The following ATP11B variants were observed in gnomAD, a reference collection of about 807,000 sequenced individuals.
ATP11B encodes phospholipid-transporting ATPase IF.
Under a neutral mutation model 157.8 loss-of-function variants are expected in ATP11B, and 81 were observed. The ratio of observed to expected loss-of-function variants is 0.51; its 90% CI spans 0.43 to 0.62. The LOEUF (loss-of-function observed/expected upper bound fraction) is 0.62, where lower values mean the gene tolerates loss of function less well. ATP11B is among the 20% of genes least tolerant of loss of function. The pLI is 0.00. For synonymous variants in ATP11B, 451 were observed against 469.4 expected (o/e 0.96, Z 0.51); for missense variants, 1,165 against 1,402.2 (o/e 0.83, Z 2.70).
At position 182,818,229 on chromosome 3, in the gene ATP11B, G is replaced by A. The variant is rs1279075304; in HGVS notation, c.28-2031G>A. Among the ~76,000 whole-genome samples, 4 of 152,200 alleles carry A rather than the reference G, an allele frequency of 2.6e-5. No individual in the cohort carries two copies. The East Asian group carries it at 7.7e-4, about 29-fold the overall frequency. On this transcript the variant is annotated intron_variant, in intron 1 of 29. Coordinates refer to ENST00000323116, the MANE Select transcript of ATP11B (RefSeq NM_014616.3). ...CTGCAGTCTAATGCTCCAGATACCT[G>A]TTTATAGGTAAACTTCCTGTGAACC... is the stretch of plus-strand genomic sequence containing the variant.
intron 12 of ATP11B, among the ~76,000 whole-genome samples, chr3:182,861,036 A>C (rs367982811): frequency 3.0e-4 from 46 of 151,238 alleles, no homozygotes; most frequent in South Asian, 2.7e-3. Flanking sequence ...AGAGAATGGG[A>C]TTAGGGGTAC....
intron 21 of ATP11B, among the ~76,000 whole-genome samples, chr3:182,882,037 T>C (rs1722462706): frequency 6.6e-6 from 1 of 152,212 alleles, no homozygotes; most frequent in Non-Finnish European, 1.5e-5. Flanking sequence ...AGCCATATAC[T>C]CTTATTGTAT....
intron 8 of ATP11B, among the ~76,000 whole-genome samples, chr3:182,842,605 T>G (rs1719137675): frequency 6.6e-6 from 1 of 151,992 alleles, no homozygotes; most frequent in Non-Finnish European, 1.5e-5. Context: ...GGGATGGCCT[T>G]AAGACCCACA....
chr3:182,844,980 GC>G (rs1232603039), intron 8 of ATP11B, among the ~76,000 whole-genome samples: 1 of 138,944 alleles, frequency 7.2e-6, no homozygotes, highest in Non-Finnish European at 1.6e-5. Flanking sequence ...AGCCTAGGCA[GC>G]CTTTTTTTTT....
chr3:182,822,020 G>A lies in ATP11B; in HGVS notation c.144+1644G>A, dbSNP rs556115828. ...TAACATACCCTTAGTGCCATCTCTC[G>A]TTTTGGATGATGGTTCTAAAGCAGA... is the stretch of plus-strand genomic sequence containing the variant. On this transcript the variant is annotated intron_variant, in intron 2 of 29. Coordinates refer to ENST00000323116, the MANE Select transcript of ATP11B (RefSeq NM_014616.3). 4.6e-5 allele frequency among the ~76,000 whole-genome samples: 7 copies of A among 151,820 alleles called. No individual in the cohort carries two copies. The East Asian group carries it at 5.8e-4, about 13-fold the overall frequency.
intron 15 of ATP11B, among the ~76,000 whole-genome samples, chr3:182,867,744 T>G (rs1239422716): frequency 1.3e-5 from 2 of 152,108 alleles, no homozygotes; most frequent in Non-Finnish European, 2.9e-5. Context: ...CCACTATGCC[T>G]GGCTAATTTT....
chr3:182,845,680 A>G (rs192662576), intron 9 of ATP11B, among the ~76,000 whole-genome samples, 158 bp downstream of exon 9: 4 of 152,330 alleles, frequency 2.6e-5, no homozygotes, highest in Admixed American at 6.5e-5. Context: ...GTAGTCGTGT[A>G]TTGAACTTTT....
intron 8 of ATP11B, among the ~76,000 whole-genome samples, chr3:182,842,682 G>A (rs1056533521): frequency 1.3e-5 from 2 of 152,148 alleles, no homozygotes; most frequent in Non-Finnish European, 2.9e-5. Context: ...AAGGTCAGAA[G>A]CCTGCTCCTG....
At chr3:182,796,894 CTG>C (rs1252476131) in intron 1 of ATP11B, among the ~76,000 whole-genome samples, 2 of 152,178 alleles carry the variant, frequency 1.3e-5, no homozygotes, top group African/African-American at 2.4e-5. Context: ...ACTAGGATAA[CTG>C]TTTCTTAAAC....
intron 1 of ATP11B, among the ~76,000 whole-genome samples, chr3:182,806,397 C>A (rs576998800): frequency 3.9e-5 from 6 of 152,144 alleles, no homozygotes; most frequent in Non-Finnish European, 8.8e-5. Flanking sequence ...GAAGACTATA[C>A]AATTCAGAAA....
At chr3:182,834,109 A>G (rs1354841991) in intron 4 of ATP11B, among the ~76,000 whole-genome samples, 2 of 152,182 alleles carry the variant, frequency 1.3e-5, no homozygotes, top group African/African-American at 4.8e-5. Flanking sequence ...TGTTTGAATT[A>G]TCGTTGCTCT....
At chr3:182,863,904 G>A (rs975254655) in intron 12 of ATP11B, among the ~76,000 whole-genome samples, 18 of 151,836 alleles carry the variant, frequency 1.2e-4, no homozygotes, top group Non-Finnish European at 2.5e-4. Flanking sequence ...TGATCTACAT[G>A]TGTGGGCTTT....
At chr3:182,848,373 T>A (rs1560084511) in intron 9 of ATP11B, 103 bp from the exon 10 acceptor site, 1 of 621,614 alleles carries the variant, frequency 1.6e-6, no homozygotes. Flanking sequence ...TTATAACAAC[T>A]GTCAGACAGT....
At chr3:182,868,125 G>A (rs1437161293) in intron 15 of ATP11B, among the ~76,000 whole-genome samples, 1 of 151,678 alleles carries the variant, frequency 6.6e-6, no homozygotes, top group Non-Finnish European at 1.5e-5. Context: ...ATGCTTCTGG[G>A]TAGTGAGTTT....
At chr3:182,915,400 A>C (rs1396155006) in intron 29 of ATP11B, 1 of 985,294 alleles carries the variant, frequency 1.0e-6, no homozygotes, top group Admixed American at 6.2e-5. Context: ...TATGATTTAC[A>C]TAATTGTATT....
intron 4 of ATP11B, chr3:182,829,999 A>C: frequency 1.0e-6 from 1 of 955,056 alleles, no homozygotes; most frequent in Non-Finnish European, 1.2e-6. Flanking sequence ...GCATCCAAAA[A>C]CAAGTATTGT....
chr3:182,838,552 TAGAA>T (rs1718743900), intron 7 of ATP11B, among the ~76,000 whole-genome samples: 1 of 152,082 alleles, frequency 6.6e-6, no homozygotes, highest in South Asian at 2.1e-4. Context: ...GCTTTTATAG[TAGAA>T]AGAAAACTCG....
At chr3:182,870,842 C>G (rs914583129) in intron 17 of ATP11B, among the ~76,000 whole-genome samples, 3 of 150,512 alleles carry the variant, frequency 2.0e-5, no homozygotes, top group African/African-American at 7.4e-5. Flanking sequence ...GCAGGAGAAT[C>G]ACTTGAACAT....
intron 10 of ATP11B, among the ~76,000 whole-genome samples, chr3:182,850,778 G>A (rs1020515376): frequency 1.3e-5 from 2 of 152,038 alleles, no homozygotes; most frequent in Non-Finnish European, 2.9e-5. Context: ...AGGAATATCT[G>A]CACTTGCATG....
Sources: gnomAD v4.1 joint callset for allele counts (sites outside exome capture counted in the v4.1 genomes callset) on GRCh38, gnomAD v4.1.1 for gene constraint, MANE v1.5 for transcripts, NCBI Gene and HGNC (gene_info 2026-07-23, HGNC 2026-07-21) for gene names.